CFAP61: variants seen among roughly 807,000 people sequenced by gnomAD.
CFAP61 encodes cilia- and flagella-associated protein 61.
CFAP61 carries 107 observed loss-of-function variants against 135.6 expected under a neutral mutation model. That is an observed-to-expected ratio of 0.79 (90% CI 0.67 to 0.93). The LOEUF (loss-of-function observed/expected upper bound fraction) is 0.93, where lower values mean the gene tolerates loss of function less well. Among genes scored for constraint, CFAP61 ranks in the 40% least tolerant of loss-of-function variants. CFAP61 has a pLI of 0.00. For synonymous variants in CFAP61, 575 were observed against 578.5 expected (o/e 0.99, Z 0.09); for missense variants, 1,507 against 1,556.2 (o/e 0.97, Z 0.53).
At chr20:20,257,980 G>T (rs1160218685) in intron 20 of CFAP61, among the ~76,000 whole-genome samples, 1 of 152,144 alleles carries the variant, frequency 6.6e-6, no homozygotes, top group East Asian at 1.9e-4. Flanking sequence ...AGATAAAAGG[G>T]AGAAAACAAA....
intron 25 of CFAP61, among the ~76,000 whole-genome samples, chr20:20,325,335 T>C (rs1363040956): frequency 6.6e-6 from 1 of 152,232 alleles, no homozygotes; most frequent in Non-Finnish European, 1.5e-5. Flanking sequence ...CCTTACAGTG[T>C]GAAACAGAAC....
intron 25 of CFAP61, among the ~76,000 whole-genome samples, chr20:20,314,202 A>G (rs1230382831): frequency 7.6e-6 from 1 of 131,698 alleles, no homozygotes; most frequent in Non-Finnish European, 1.5e-5. Flanking sequence ...TGGGCAACAT[A>G]GTGAGACCCC....
intron 8 of CFAP61, among the ~76,000 whole-genome samples, chr20:20,109,442 G>A (rs894795539): frequency 1.3e-4 from 20 of 152,120 alleles, no homozygotes; most frequent in Admixed American, 1.1e-3. Context: ...TTGGGTAAAT[G>A]ATGCTCTTGG....
At chr20:20,255,524 A>G (rs192337528) in intron 20 of CFAP61, among the ~76,000 whole-genome samples, 3 of 152,222 alleles carry the variant, frequency 2.0e-5, no homozygotes, top group Admixed American at 2.0e-4. Context: ...ATTGTCTCCA[A>G]AGGGGTTAAT....
At chr20:20,292,838 A>AC (rs2055090297) in intron 24 of CFAP61, among the ~76,000 whole-genome samples, 1 of 151,776 alleles carries the variant, frequency 6.6e-6, no homozygotes, top group Non-Finnish European at 1.5e-5. Flanking sequence ...TTTATGACCC[A>AC]CCCTCAAAAG....
intron 2 of CFAP61, among the ~76,000 whole-genome samples, chr20:20,069,208 T>G (rs1044624144): frequency 3.3e-5 from 5 of 152,244 alleles, no homozygotes; most frequent in African/African-American, 7.2e-5. Flanking sequence ...TGTAAAAGGT[T>G]ACACTGTCAA....
chr20:20,258,517 C>A (rs1001536703), intron 20 of CFAP61: 1 of 152,156 alleles, frequency 6.6e-6, no homozygotes, highest in African/African-American at 2.4e-5. Context: ...AGTGAAGATT[C>A]AGGGTGTGCA....
chr20:20,273,824 G>A (rs1259351474), intron 21 of CFAP61, among the ~76,000 whole-genome samples: 3 of 152,208 alleles, frequency 2.0e-5, no homozygotes, highest in Non-Finnish European at 2.9e-5. Context: ...GGCCTGCTGG[G>A]GCCTCACCTG....
intron 13 of CFAP61, among the ~76,000 whole-genome samples, chr20:20,183,022 AAAAC>A (rs1337465541): frequency 6.6e-6 from 1 of 152,248 alleles, no homozygotes; most frequent in African/African-American, 2.4e-5. Context: ...AGTTAAAGCG[AAAAC>A]AAACAGGCTG....
At chr20:20,109,863 T>C (rs1472502592) in intron 8 of CFAP61, among the ~76,000 whole-genome samples, 1 of 152,146 alleles carries the variant, frequency 6.6e-6, no homozygotes, top group Non-Finnish European at 1.5e-5. Flanking sequence ...TTTCTTTGAA[T>C]GTGTTTTGTT....
chr20:20,164,281 G>T (rs1455416374), intron 11 of CFAP61, 53 bp downstream of exon 11: 7 of 1,529,964 alleles, frequency 4.6e-6, no homozygotes, highest in Middle Eastern at 2.1e-4. Context: ...TTCTGGCATT[G>T]GTGGCCCAAC....
At chr20:20,298,483 C>T (rs528162496) in intron 25 of CFAP61, 97 bp downstream of exon 25, 4 of 1,012,348 alleles carry the variant, frequency 4.0e-6, no homozygotes, top group African/African-American at 1.6e-5. Context: ...GAGAGCAAAA[C>T]GGGAATCCCA....
rs149601661 is a variant in CFAP61, at chr20:20,220,505, TGC to T, written c.1933-7742_1933-7741del. ...AGAAGTACAGGTGGCAACATGGACT[TGC>T]GATTGGCATGTGAAGTGGGGGTACA... On this transcript the variant is annotated intron_variant, in intron 17 of 26. Coordinates refer to ENST00000245957, the MANE Select transcript of CFAP61 (RefSeq NM_015585.4). 9.0e-3 allele frequency among the ~76,000 whole-genome samples: 1,373 copies of T among 152,212 alleles called. 22 individuals are homozygous for T. Among genetic ancestry groups the T allele is most frequent in the African/African-American group, 0.031 (1,304 of 41,542 alleles).
intron 21 of CFAP61, chr20:20,265,661 C>T (rs972635374): frequency 8.1e-6 from 5 of 617,530 alleles, no homozygotes; most frequent in Admixed American, 2.8e-5. Flanking sequence ...ATGACTCCCC[C>T]AGGCACCTCT....
Position 20,188,046 on chromosome 20 carries a change from G to T in CFAP61, c.1502G>T (p.Arg501Leu), listed in dbSNP as rs574631434. 3.1e-6 allele frequency: 5 copies of T among 1,614,130 alleles called. No individual in the cohort carries two copies. In the South Asian group the frequency reaches 5.5e-5, roughly 18 times the overall value. Residue 501 changes from arginine (R) to leucine (L), a missense_variant, in exon 14 of 27, where the codon CGC becomes CTC. Arg to Leu is a moderately radical substitution (Grantham distance 102, BLOSUM62 -2). Coordinates refer to ENST00000245957, the MANE Select transcript of CFAP61 (RefSeq NM_015585.4). ...GACTTAGACCGTTACAACAAGGCTC[G>T]CAAAGACCCTGTAAGTACCTGTTGT... is the stretch of plus-strand genomic sequence containing the variant. Reference protein sequence around the residue: ...LEDLDRYNKARKDPDGTLLQA... With the variant: ...LEDLDRYNKALKDPDGTLLQA...
chr20:20,282,872 G>A (rs1358524861), intron 22 of CFAP61, among the ~76,000 whole-genome samples: 1 of 151,998 alleles, frequency 6.6e-6, no homozygotes, highest in Non-Finnish European at 1.5e-5. Context: ...CTAGGAGGTG[G>A]AGGTTGCAGT....
intron 2 of CFAP61, among the ~76,000 whole-genome samples, chr20:20,059,326 CAAAAAAAA>C (rs11458923): frequency 2.2e-5 from 1 of 45,484 alleles, no homozygotes; most frequent in Admixed American, 4.2e-4. Context: ...GACTCTGTCT[CAAAAAAAA>C]AAAAAAAAAA....
chr20:20,335,742 C>T (rs1283018969), intron 25 of CFAP61, among the ~76,000 whole-genome samples: 2 of 152,216 alleles, frequency 1.3e-5, no homozygotes, highest in African/African-American at 2.4e-5. Flanking sequence ...TTGAAAGCCA[C>T]AGTTACTTTG....
At chr20:20,230,577 A>G (rs542251981) in intron 18 of CFAP61, among the ~76,000 whole-genome samples, 1 of 152,222 alleles carries the variant, frequency 6.6e-6, no homozygotes, top group East Asian at 1.9e-4. Context: ...GTTTTGAGAC[A>G]GAGTCTCACT....
Sources: gnomAD v4.1 joint callset for allele counts (sites outside exome capture counted in the v4.1 genomes callset) on GRCh38, gnomAD v4.1.1 for gene constraint, MANE v1.5 for transcripts, NCBI Gene and HGNC (gene_info 2026-07-23, HGNC 2026-07-21) for gene names.